The following RBFOX1 variants were observed in gnomAD, a reference collection of about 807,000 sequenced individuals.
The protein encoded by RBFOX1 is RNA binding protein fox-1 homolog 1.
Under a neutral mutation model 57.7 loss-of-function variants are expected in RBFOX1, and 8 were observed. The ratio of observed to expected loss-of-function variants is 0.14; its 90% CI spans 0.08 to 0.25. The LOEUF (loss-of-function observed/expected upper bound fraction) is 0.25. Among genes scored for constraint, RBFOX1 ranks in the 10% least tolerant of loss-of-function variants. The pLI is 1.00. For missense variants in RBFOX1, 611 were observed against 548.5 expected (o/e 1.11, Z -1.14); for synonymous variants, 326 against 222.4 (o/e 1.47, Z -4.15).
chr16:7,109,354 C>G (rs898233641), intron 4 of RBFOX1, among the ~76,000 whole-genome samples: 28 of 152,250 alleles, frequency 1.8e-4, no homozygotes, highest in African/African-American at 6.7e-4. Context: ...TGCAACCAAA[C>G]CCTCTCACCA....
chr16:6,916,864 G>A (rs756870347), intron 3 of RBFOX1, among the ~76,000 whole-genome samples: 1 of 151,862 alleles, frequency 6.6e-6, no homozygotes, highest in Non-Finnish European at 1.5e-5. Flanking sequence ...TTTTTTGTGT[G>A]TATAAGATGG....
chr16:6,671,959 G>A (rs17140899), intron 3 of RBFOX1, among the ~76,000 whole-genome samples: 1,602 of 152,280 alleles, frequency 0.011, 26 homozygotes, highest in African/African-American at 0.037. Context: ...ATGATAATGC[G>A]AAATAACAAT....
At chr16:5,915,345 T>C (rs1389923894) in intron 4 of RBFOX1, among the ~76,000 whole-genome samples, 3 of 152,166 alleles carry the variant, frequency 2.0e-5, no homozygotes, top group African/African-American at 4.8e-5. Flanking sequence ...TTTCCATATT[T>C]TGAGACTCTA....
At chr16:6,261,302 G>A (rs1240832519) in intron 1 of RBFOX1, among the ~76,000 whole-genome samples, 4 of 152,172 alleles carry the variant, frequency 2.6e-5, no homozygotes, top group African/African-American at 9.7e-5. Context: ...GTGTCTTTGA[G>A]TCCTGGTGTT....
intron 4 of RBFOX1, among the ~76,000 whole-genome samples, chr16:7,517,753 G>A (rs892710216): frequency 2.0e-5 from 3 of 150,778 alleles, no homozygotes; most frequent in East Asian, 3.9e-4. Context: ...TCAAATCAAG[G>A]TTCTGCTGTC....
At chr16:5,736,722 C>G (rs185019101) in intron 3 of RBFOX1, among the ~76,000 whole-genome samples, 2 of 152,180 alleles carry the variant, frequency 1.3e-5, no homozygotes, top group African/African-American at 4.8e-5. Context: ...CTCTCTGCCC[C>G]CTCCCCTCTC....
chr16:7,332,649 T>G (rs772110331), intron 4 of RBFOX1: 2 of 507,636 alleles, frequency 3.9e-6, no homozygotes, highest in Non-Finnish European at 5.5e-6. Context: ...CCTCTGTCAC[T>G]TGGTCTCTTG....
chr16:6,565,695 C>A (rs1414917673), intron 2 of RBFOX1, among the ~76,000 whole-genome samples: 1 of 152,162 alleles, frequency 6.6e-6, no homozygotes, highest in Non-Finnish European at 1.5e-5. Context: ...GTCTCGATCT[C>A]CTGACCTCGT....
chr16:6,389,912 C>T (rs2092509355), intron 2 of RBFOX1, among the ~76,000 whole-genome samples: 1 of 152,188 alleles, frequency 6.6e-6, no homozygotes, highest in Non-Finnish European at 1.5e-5. Context: ...ATCTGAGTCG[C>T]TGTCTCAGCA....
At chr16:7,006,638 A>T (rs1188464376) in intron 3 of RBFOX1, among the ~76,000 whole-genome samples, 1 of 152,066 alleles carries the variant, frequency 6.6e-6, no homozygotes, top group African/African-American at 2.4e-5. Context: ...TATAGAGACA[A>T]GGTCTCCCTG....
intron 5 of RBFOX1, among the ~76,000 whole-genome samples, chr16:7,529,815 C>G (rs1208328034): frequency 6.6e-6 from 1 of 151,924 alleles, no homozygotes; most frequent in Non-Finnish European, 1.5e-5. Flanking sequence ...TCGAGACCAG[C>G]CTAGTCAACC....
chr16:5,408,361 AT>A (rs1159656467), intron 1 of RBFOX1, among the ~76,000 whole-genome samples: 1 of 152,032 alleles, frequency 6.6e-6, no homozygotes, highest in African/African-American at 2.4e-5. Context: ...TCCTTTTTTT[AT>A]TGTCAGAAAC....
chr16:6,418,083 C>T (rs1370029608), intron 2 of RBFOX1, among the ~76,000 whole-genome samples: 1 of 152,158 alleles, frequency 6.6e-6, no homozygotes, highest in East Asian at 1.9e-4. Context: ...CTCCTTACTG[C>T]CATGACTAAG....
intron 5 of RBFOX1, chr16:7,519,642 G>C (rs370151513): frequency 1.0e-6 from 1 of 969,122 alleles, no homozygotes; most frequent in Non-Finnish European, 1.2e-6. Flanking sequence ...ATGCATTTGG[G>C]AACCTTTTTC....
chr16:5,779,154 C>G (rs1483812718), intron 3 of RBFOX1, among the ~76,000 whole-genome samples: 1 of 152,154 alleles, frequency 6.6e-6, no homozygotes, highest in Non-Finnish European at 1.5e-5. Context: ...AAATTGCATA[C>G]CCACTTTTTG....
At chr16:6,837,284 G>A (rs1018403368) in intron 3 of RBFOX1, among the ~76,000 whole-genome samples, 5 of 152,144 alleles carry the variant, frequency 3.3e-5, no homozygotes, top group East Asian at 1.9e-4. Context: ...TCTGTTCCAC[G>A]AGGTGGCTCA....
At chr16:5,550,160 C>G (rs980933497) in intron 2 of RBFOX1, among the ~76,000 whole-genome samples, 9 of 152,200 alleles carry the variant, frequency 5.9e-5, no homozygotes, top group African/African-American at 2.2e-4. Context: ...GCAGAACCAA[C>G]TGTGCAGTGT....
intron 1 of RBFOX1, among the ~76,000 whole-genome samples, chr16:6,042,949 G>A (rs113923409): frequency 6.6e-6 from 1 of 151,524 alleles, no homozygotes. Flanking sequence ...GATAAGGGGG[G>A]TTGTGAAAAA....
At chr16:5,267,774 G>C (rs2062898360) in intron 1 of RBFOX1, among the ~76,000 whole-genome samples, 1 of 152,154 alleles carries the variant, frequency 6.6e-6, no homozygotes, top group Non-Finnish European at 1.5e-5. Context: ...GAACTTGCCA[G>C]GTGTGGAGGA....
Sources: allele counts gnomAD v4.1 joint callset (sites outside exome capture counted in the v4.1 genomes callset), GRCh38; gene constraint gnomAD v4.1.1; transcripts MANE v1.5; gene names NCBI Gene and HGNC (gene_info 2026-07-23, HGNC 2026-07-21).